CTNNA3: variants seen among roughly 807,000 people sequenced by gnomAD.
The protein encoded by CTNNA3 is catenin alpha-3.
In CTNNA3, 76 loss-of-function variants were observed where a neutral mutation model predicts 95.7. The ratio of observed to expected loss-of-function variants is 0.79; its 90% confidence interval spans 0.66 to 0.96. CTNNA3 has a LOEUF of 0.96. CTNNA3 is among the 40% of genes least tolerant of loss of function. The pLI, the probability that CTNNA3 is intolerant of heterozygous loss-of-function variation, is 0.00. For synonymous variants in CTNNA3, 431 were observed against 374.4 expected (o/e 1.15, Z -1.74); for missense variants, 1,191 against 1,089.8 (o/e 1.09, Z -1.31).
intron 7 of CTNNA3, among the ~76,000 whole-genome samples, chr10:67,116,351 A>G (rs186141374): frequency 6.6e-6 from 1 of 152,024 alleles, no homozygotes. Context: ...CATTTCAATG[A>G]TTTTCAAATG....
intron 4 of CTNNA3, among the ~76,000 whole-genome samples, chr10:67,522,510 GGAAAA>G: frequency 6.6e-6 from 1 of 152,102 alleles, no homozygotes; most frequent in Admixed American, 6.6e-5. Flanking sequence ...TGAGAAGGAA[GGAAAA>G]CTTAACATTT....
intron 5 of CTNNA3, among the ~76,000 whole-genome samples, chr10:67,277,167 T>C (rs1445437315): frequency 6.6e-6 from 1 of 152,300 alleles, no homozygotes; most frequent in East Asian, 1.9e-4. Context: ...TTTCAAATTA[T>C]CTTGAACTCT....
intron 2 of CTNNA3, among the ~76,000 whole-genome samples, chr10:67,624,718 A>G (rs775915002): frequency 6.6e-6 from 1 of 152,190 alleles, no homozygotes; most frequent in Non-Finnish European, 1.5e-5. Context: ...GGAACACAGG[A>G]CCTGATAGGT....
intron 3 of CTNNA3, among the ~76,000 whole-genome samples, chr10:67,547,604 T>C (rs1840885502): frequency 6.6e-6 from 1 of 152,220 alleles, no homozygotes; most frequent in African/African-American, 2.4e-5. Context: ...TGACAGAAGT[T>C]ATTTTAGGGC....
At chr10:66,793,649 T>C (rs1442866240) in intron 7 of CTNNA3, among the ~76,000 whole-genome samples, 8 of 152,174 alleles carry the variant, frequency 5.3e-5, no homozygotes, top group Non-Finnish European at 1.5e-5. Context: ...AATTACAATG[T>C]TTTCATAAGT....
chr10:67,371,023 C>A (rs533382881), intron 5 of CTNNA3, among the ~76,000 whole-genome samples: 1 of 150,998 alleles, frequency 6.6e-6, no homozygotes, highest in Non-Finnish European at 1.5e-5. Context: ...CCCGCCGCTA[C>A]GCCCGGCTAA....
intron 5 of CTNNA3, among the ~76,000 whole-genome samples, chr10:67,477,355 C>T (rs1182501166): frequency 1.3e-5 from 2 of 152,114 alleles, no homozygotes; most frequent in Non-Finnish European, 2.9e-5. Context: ...CCACCCCACC[C>T]CCGGGGGCAA....
At chr10:66,451,006 C>G (rs1053275071) in intron 11 of CTNNA3, among the ~76,000 whole-genome samples, 9 of 152,078 alleles carry the variant, frequency 5.9e-5, no homozygotes, top group Non-Finnish European at 8.8e-5. Context: ...ATAAATGGAA[C>G]TTAACAATAG....
intron 15 of CTNNA3, among the ~76,000 whole-genome samples, chr10:66,014,187 A>G (rs1217164440): frequency 2.0e-5 from 3 of 152,140 alleles, no homozygotes; most frequent in Non-Finnish European, 4.4e-5. Flanking sequence ...TACGCTACAT[A>G]CAAAGAATGC....
chr10:67,404,027 A>C (rs1299193683), intron 5 of CTNNA3, among the ~76,000 whole-genome samples: 1 of 152,194 alleles, frequency 6.6e-6, no homozygotes, highest in Middle Eastern at 3.2e-3. Context: ...CAAGAACAAC[A>C]ACAACAAAAA....
At position 65,977,676 on chromosome 10, in the gene CTNNA3, G is replaced by A. The variant is rs893001931; in HGVS notation, c.2266-10930C>T. Among the ~76,000 whole-genome samples the A allele has an allele frequency of 2.6e-5, 4 of 151,980 alleles. No individual in the cohort carries two copies. In the East Asian group the frequency reaches 7.7e-4, roughly 29 times the overall value. On this transcript the variant is annotated intron_variant, in intron 16 of 17. Coordinates refer to ENST00000433211, the MANE Select transcript of CTNNA3 (RefSeq NM_013266.4). Reference sequence around the variant, plus strand: ...TCGTACCTATAGTCCCAGCTACTTGGGTGGCTGAGACACGAGAATCGCTTG... The same window carrying A: ...TCGTACCTATAGTCCCAGCTACTTGAGTGGCTGAGACACGAGAATCGCTTG...
At position 67,183,239 on chromosome 10, in the gene CTNNA3, T is replaced by C. The variant is rs184338623; in HGVS notation, c.844-2719A>G. ...ATGCTGCTATAAAAACACATGCACATGTATGTTTATTGCGGCACTATTCAC... is the reference window on the plus strand; with the variant it reads ...ATGCTGCTATAAAAACACATGCACACGTATGTTTATTGCGGCACTATTCAC... On this transcript the variant is annotated intron_variant, in intron 6 of 17. Transcript: ENST00000433211. 3.4e-3 allele frequency among the ~76,000 whole-genome samples: 512 copies of C among 152,248 alleles called. 4 individuals are homozygous for C. In the East Asian group the frequency reaches 0.037, roughly 11 times the overall value.
intron 15 of CTNNA3, among the ~76,000 whole-genome samples, chr10:65,991,723 A>G (rs1025581555): frequency 1.3e-5 from 2 of 152,026 alleles, no homozygotes; most frequent in African/African-American, 4.8e-5. Flanking sequence ...CCATTTTCCA[A>G]TTTGGATGAC....
At chr10:66,966,779 TAAA>T (rs779224135) in intron 7 of CTNNA3, among the ~76,000 whole-genome samples, 8 of 151,904 alleles carry the variant, frequency 5.3e-5, no homozygotes, top group Non-Finnish European at 1.2e-4. Flanking sequence ...AAGAAGAAAA[TAAA>T]TATGGAAAAA....
intron 17 of CTNNA3, among the ~76,000 whole-genome samples, chr10:65,927,131 C>G (rs992403987): frequency 1.3e-5 from 2 of 151,998 alleles, no homozygotes; most frequent in African/African-American, 4.8e-5. Context: ...TTGAATCATA[C>G]TCTAACTCAG....
At position 66,077,022 on chromosome 10, in the gene CTNNA3, C is replaced by G. The variant is rs182544513; in HGVS notation, c.1978-7533G>C. Among the ~76,000 whole-genome samples, 509 of 151,432 alleles carry G rather than the reference C, an allele frequency of 3.4e-3. 3 individuals are homozygous for G. Among genetic ancestry groups the G allele is most frequent in the African/African-American group, 0.011 (460 of 41,368 alleles). On this transcript the variant is annotated intron_variant, in intron 14 of 17. Transcript: ENST00000433211. Reference sequence around the variant, plus strand: ...TTGTAAAGGGCATTTGGGAGATGGACGAAGGAATCTGTGTATAAACTGAGT... The same window carrying G: ...TTGTAAAGGGCATTTGGGAGATGGAGGAAGGAATCTGTGTATAAACTGAGT...
chr10:66,244,379 G>C (rs1341656293), intron 13 of CTNNA3, among the ~76,000 whole-genome samples: 1 of 152,186 alleles, frequency 6.6e-6, no homozygotes, highest in African/African-American at 2.4e-5. Context: ...TGACTGTAGA[G>C]CCCTAGGTCC....
intron 11 of CTNNA3, among the ~76,000 whole-genome samples, chr10:66,402,205 T>C (rs957295677): frequency 1.3e-5 from 2 of 152,294 alleles, no homozygotes; most frequent in East Asian, 1.9e-4. Context: ...CCAACAGATA[T>C]ACAATATTAA....
chr10:66,389,798 C>T (rs1163462085), intron 11 of CTNNA3, among the ~76,000 whole-genome samples: 6 of 149,802 alleles, frequency 4.0e-5, no homozygotes, highest in Admixed American at 2.0e-4. Flanking sequence ...GGGTACAGTG[C>T]CATAATCATA....
Sources: allele counts gnomAD v4.1 joint callset (sites outside exome capture counted in the v4.1 genomes callset), GRCh38; gene constraint gnomAD v4.1.1; transcripts MANE v1.5; gene names NCBI Gene and HGNC (gene_info 2026-07-23, HGNC 2026-07-21).